The following MYOZ2 variants were observed in gnomAD, a reference collection of about 807,000 sequenced individuals.
MYOZ2 encodes myozenin-2.
In MYOZ2, 19 loss-of-function variants were observed where a neutral mutation model predicts 25.4. The ratio of observed to expected loss-of-function variants is 0.75; its 90% CI spans 0.52 to 1.10. The LOEUF is 1.10. Among genes scored for constraint, MYOZ2 ranks in the 50% least tolerant of loss-of-function variants. The pLI is 0.00. For missense variants in MYOZ2, 270 were observed against 317.9 expected (o/e 0.85, Z 1.15); for synonymous variants, 92 against 106.9 (o/e 0.86, Z 0.86).
chr4:119,137,610 G>T (rs571106802), intron 2 of MYOZ2, among the ~76,000 whole-genome samples: 2 of 152,062 alleles, frequency 1.3e-5, no homozygotes, highest in African/African-American at 2.4e-5. Context: ...TGCTCCCCAC[G>T]CAATGTAATC....
intron 5 of MYOZ2, among the ~76,000 whole-genome samples, chr4:119,179,649 G>C (rs1742147577): frequency 2.0e-5 from 3 of 152,052 alleles, no homozygotes; most frequent in African/African-American, 7.2e-5. Context: ...AGTTTGTGCA[G>C]CTGTAACAAA....
intron 1 of MYOZ2, 147 bp from the exon 2 acceptor site, chr4:119,136,365 T>C (rs1250870135): frequency 1.0e-5 from 7 of 698,590 alleles, no homozygotes; most frequent in African/African-American, 8.9e-5. Context: ...TGTCACCAGA[T>C]AAGGAATGCG....
intron 4 of MYOZ2, among the ~76,000 whole-genome samples, chr4:119,159,337 C>T (rs1741654086): frequency 6.6e-6 from 1 of 152,124 alleles, no homozygotes; most frequent in African/African-American, 2.4e-5. Flanking sequence ...TGCCTCATGT[C>T]AACAGACCTT....
At chr4:119,144,256 A>T (rs1741236958) in intron 2 of MYOZ2, among the ~76,000 whole-genome samples, 1 of 152,168 alleles carries the variant, frequency 6.6e-6, no homozygotes, top group South Asian at 2.1e-4. Context: ...CATTCAGTGT[A>T]ATTCTCTAGA....
chr4:119,178,538 C>T (rs544727529), intron 5 of MYOZ2, among the ~76,000 whole-genome samples: 5 of 152,182 alleles, frequency 3.3e-5, no homozygotes, highest in Admixed American at 6.5e-5. Flanking sequence ...AAACAATCTA[C>T]GGCTTACCCT....
chr4:119,154,995 A>G (rs1196550261), intron 3 of MYOZ2, among the ~76,000 whole-genome samples: 1 of 152,122 alleles, frequency 6.6e-6, no homozygotes. Context: ...GAGCTGTACA[A>G]GAAGCATGGC....
intron 2 of MYOZ2, among the ~76,000 whole-genome samples, chr4:119,150,111 C>T (rs1236674650): frequency 6.6e-6 from 1 of 151,988 alleles, no homozygotes; most frequent in African/African-American, 2.4e-5. Flanking sequence ...TTTGGAAAAA[C>T]TGTTTAGTAA....
chr4:119,170,518 T>C (rs1446339649), intron 5 of MYOZ2, among the ~76,000 whole-genome samples: 1 of 152,128 alleles, frequency 6.6e-6, no homozygotes, highest in Admixed American at 6.5e-5. Flanking sequence ...AAGTTTTCTG[T>C]ACTTGTGTTA....
intron 5 of MYOZ2, among the ~76,000 whole-genome samples, chr4:119,171,578 A>T (rs1741947238): frequency 6.6e-6 from 1 of 151,682 alleles, no homozygotes; most frequent in Non-Finnish European, 1.5e-5. Context: ...TTTTCAAGTT[A>T]TTATTTTCAA....
chr4:119,157,790 C>A (rs1027303900), intron 3 of MYOZ2, among the ~76,000 whole-genome samples: 2 of 152,130 alleles, frequency 1.3e-5, no homozygotes, highest in African/African-American at 4.8e-5. Flanking sequence ...CAGCTCTAAT[C>A]ATTATTAAGT....
intron 5 of MYOZ2, among the ~76,000 whole-genome samples, chr4:119,172,781 C>T (rs924190877): frequency 5.9e-5 from 9 of 152,206 alleles, no homozygotes; most frequent in African/African-American, 1.7e-4. Flanking sequence ...CCATAAATTT[C>T]TCCCAAAGTT....
At chr4:119,170,747 G>C (rs1741930092) in intron 5 of MYOZ2, among the ~76,000 whole-genome samples, 1 of 152,094 alleles carries the variant, frequency 6.6e-6, no homozygotes, top group African/African-American at 2.4e-5. Flanking sequence ...GGGAATAAGA[G>C]AGAGAAGCAA....
chr4:119,167,332 C>T (rs1741845102), intron 5 of MYOZ2, among the ~76,000 whole-genome samples: 1 of 152,190 alleles, frequency 6.6e-6, no homozygotes, highest in South Asian at 2.1e-4. Flanking sequence ...CAATCCAGAG[C>T]AAGGCCCTAA....
chr4:119,171,074 T>C (rs1402783066), intron 5 of MYOZ2, among the ~76,000 whole-genome samples: 1 of 152,110 alleles, frequency 6.6e-6, no homozygotes, highest in Non-Finnish European at 1.5e-5. Flanking sequence ...TATTTAAAGG[T>C]AAAAGTTAAG....
At chr4:119,149,234 G>A (rs1741389280) in intron 2 of MYOZ2, among the ~76,000 whole-genome samples, 1 of 152,134 alleles carries the variant, frequency 6.6e-6, no homozygotes. Context: ...CTAAGACTGC[G>A]GAGACAAGGA....
intron 2 of MYOZ2, among the ~76,000 whole-genome samples, chr4:119,147,386 A>C (rs1741324390): frequency 6.6e-6 from 1 of 151,832 alleles, no homozygotes; most frequent in African/African-American, 2.4e-5. Context: ...ATTGCATTAT[A>C]TATGCATAAC....
intron 3 of MYOZ2, among the ~76,000 whole-genome samples, chr4:119,153,661 A>C (rs1158452131): frequency 6.6e-6 from 1 of 152,098 alleles, no homozygotes; most frequent in Admixed American, 6.5e-5. Flanking sequence ...TGAAGACCTC[A>C]TATAAATGAA....
intron 5 of MYOZ2, among the ~76,000 whole-genome samples, chr4:119,179,316 T>A (rs933126563): frequency 3.3e-5 from 5 of 152,210 alleles, no homozygotes; most frequent in African/African-American, 1.2e-4. Flanking sequence ...AATGCTTTCC[T>A]CAGATTTTCA....
intron 4 of MYOZ2, among the ~76,000 whole-genome samples, chr4:119,163,703 T>G (rs1472202612): frequency 6.6e-6 from 1 of 152,128 alleles, no homozygotes; most frequent in East Asian, 1.9e-4. Flanking sequence ...TTCTTGAAGC[T>G]CAAACATTTT....
Sources: allele counts gnomAD v4.1 joint callset (sites outside exome capture counted in the v4.1 genomes callset), GRCh38; gene constraint gnomAD v4.1.1; transcripts MANE v1.5; gene names NCBI Gene and HGNC (gene_info 2026-07-23, HGNC 2026-07-21).